The following FILIP1 variants were observed in gnomAD, a reference collection of about 807,000 sequenced individuals.
FILIP1 encodes the protein filamin A interacting protein 1, also known as filamin-A-interacting protein 1.
In FILIP1, 61 loss-of-function variants were observed where a neutral mutation model predicts 102.1. That is an observed-to-expected ratio of 0.60 (90% CI 0.49 to 0.74). The LOEUF (loss-of-function observed/expected upper bound fraction) is 0.74, where lower values mean the gene tolerates loss of function less well. FILIP1 is among the 30% of genes least tolerant of loss of function. The pLI, the probability that FILIP1 is intolerant of heterozygous loss-of-function variation, is 0.00. For synonymous variants in FILIP1, 491 were observed against 526.9 expected (o/e 0.93, Z 0.93); for missense variants, 1,314 against 1,441.2 (o/e 0.91, Z 1.43).
chr6:75,473,799 T>G (rs553346627), intron 1 of FILIP1: 1 of 152,256 alleles, frequency 6.6e-6, no homozygotes, highest in East Asian at 1.9e-4. Flanking sequence ...TTTCCCACAT[T>G]TGGGGAAACC....
At chr6:75,341,171 GA>G (rs1774410225) in intron 4 of FILIP1, among the ~76,000 whole-genome samples, 3 of 140,512 alleles carry the variant, frequency 2.1e-5, no homozygotes, top group African/African-American at 8.0e-5. Flanking sequence ...TTTTTTTTTG[GA>G]TTTTTTGAGA....
intron 2 of FILIP1, among the ~76,000 whole-genome samples, chr6:75,374,045 G>A (rs1775667984): frequency 6.6e-6 from 1 of 152,122 alleles, no homozygotes; most frequent in Non-Finnish European, 1.5e-5. Flanking sequence ...TAAAAGTGTA[G>A]TCATATTTTC....
chr6:75,321,536 T>A (rs1175583973), intron 4 of FILIP1, among the ~76,000 whole-genome samples: 3 of 152,228 alleles, frequency 2.0e-5, no homozygotes. Context: ...GGCTCACGCC[T>A]GTAATCCCAG....
chr6:75,423,923 T>C (rs923878303), intron 1 of FILIP1, among the ~76,000 whole-genome samples: 17 of 152,202 alleles, frequency 1.1e-4, no homozygotes, highest in African/African-American at 4.1e-4. Context: ...GTATTGATTG[T>C]AATCATCCCT....
At chr6:75,420,465 A>C (rs1468148724) in intron 1 of FILIP1, among the ~76,000 whole-genome samples, 1 of 151,962 alleles carries the variant, frequency 6.6e-6, no homozygotes, top group East Asian at 1.9e-4. Context: ...CACATTGATG[A>C]CTCTTCTATC....
At chr6:75,355,046 G>A (rs1774944266) in intron 3 of FILIP1, among the ~76,000 whole-genome samples, 1 of 152,162 alleles carries the variant, frequency 6.6e-6, no homozygotes, top group African/African-American at 2.4e-5. Context: ...CGTAATCTCA[G>A]CACTTTGAGA....
At chr6:75,488,295 A>G (rs1351322272) in intron 1 of FILIP1, among the ~76,000 whole-genome samples, 1 of 152,096 alleles carries the variant, frequency 6.6e-6, no homozygotes, top group Non-Finnish European at 1.5e-5. Context: ...TGCTCAATTC[A>G]TGTATGACTT....
chr6:75,465,812 C>T (rs1779145636), intron 1 of FILIP1, among the ~76,000 whole-genome samples: 3 of 152,150 alleles, frequency 2.0e-5, no homozygotes, highest in Non-Finnish European at 4.4e-5. Flanking sequence ...TCAGATCATG[C>T]TCCTTCTCTG....
chr6:75,417,878 C>T (rs768825090), intron 1 of FILIP1, among the ~76,000 whole-genome samples: 3 of 152,166 alleles, frequency 2.0e-5, no homozygotes, highest in Non-Finnish European at 2.9e-5. Context: ...GGAAGAGGGG[C>T]TATCCCTGAT....
chr6:75,413,437 T>C (rs1777142842), intron 2 of FILIP1, among the ~76,000 whole-genome samples: 1 of 152,168 alleles, frequency 6.6e-6, no homozygotes, highest in Non-Finnish European at 1.5e-5. Flanking sequence ...GAAATGCCAA[T>C]GTGATTTTTC....
In FILIP1 at chr6:75,308,661, C is replaced by A. The variant is rs760134089; in HGVS notation, c.*30G>T. On this transcript the variant is annotated 3_prime_UTR_variant, in exon 6 of 6. Coordinates refer to ENST00000237172, the MANE Select transcript of FILIP1 (RefSeq NM_015687.5). Reference sequence around the variant, plus strand: ...TTCACTTTCACGGCAGCAGTAGCATCTGCACAACATACCCCCTTAGCCACT... The same window carrying A: ...TTCACTTTCACGGCAGCAGTAGCATATGCACAACATACCCCCTTAGCCACT... 1 of 1,611,280 alleles carries A rather than the reference C, an allele frequency of 6.2e-7. No individual in the cohort carries two copies. The highest frequency in any genetic ancestry group is 8.5e-7 in the Non-Finnish European group (1 of 1,179,448).
At chr6:75,426,509 C>T (rs950491913) in intron 1 of FILIP1, among the ~76,000 whole-genome samples, 2 of 152,082 alleles carry the variant, frequency 1.3e-5, no homozygotes, top group Admixed American at 6.6e-5. Flanking sequence ...AGAGGAGATA[C>T]AGAAGTGGCC....
intron 1 of FILIP1, among the ~76,000 whole-genome samples, chr6:75,441,313 C>T (rs1778211687): frequency 6.6e-6 from 1 of 152,152 alleles, no homozygotes; most frequent in African/African-American, 2.4e-5. Context: ...GGTCACAGAT[C>T]AACAGGATCC....
intron 1 of FILIP1, among the ~76,000 whole-genome samples, chr6:75,423,784 A>G (rs761371985): frequency 6.6e-6 from 1 of 152,140 alleles, no homozygotes; most frequent in Non-Finnish European, 1.5e-5. Flanking sequence ...CATCTTGACA[A>G]CTTTTTGCTG....
intron 1 of FILIP1, among the ~76,000 whole-genome samples, chr6:75,437,639 T>A (rs1000048913): frequency 6.6e-6 from 1 of 152,242 alleles, no homozygotes; most frequent in African/African-American, 2.4e-5. Context: ...AAACAAATGG[T>A]GACCTTGAAG....
At chr6:75,305,977 C>T (rs1234447236), downstream of FILIP1, among the ~76,000 whole-genome samples, 1 of 152,194 alleles carries the variant, frequency 6.6e-6, no homozygotes, top group Non-Finnish European at 1.5e-5. Context: ...TTCACCCCTA[C>T]AAAAAGCACA....
intron 4 of FILIP1, among the ~76,000 whole-genome samples, chr6:75,345,501 C>T (rs1295889157): frequency 6.6e-6 from 1 of 152,164 alleles, no homozygotes; most frequent in African/African-American, 2.4e-5. Context: ...AATGGCAGGG[C>T]CATCTTCTTT....
At chr6:75,305,978 A>G (rs538251636), downstream of FILIP1, among the ~76,000 whole-genome samples, 97 of 152,354 alleles carry the variant, frequency 6.4e-4, no homozygotes, top group African/African-American at 2.1e-3. Context: ...TCACCCCTAC[A>G]AAAAGCACAT....
chr6:75,304,585 A>T (rs1036251670), downstream of FILIP1, among the ~76,000 whole-genome samples: 3 of 152,242 alleles, frequency 2.0e-5, no homozygotes, highest in Non-Finnish European at 4.4e-5. Flanking sequence ...ATTTATCAAA[A>T]AGTTGAGGAT....
Sources: gnomAD v4.1 joint callset for allele counts (sites outside exome capture counted in the v4.1 genomes callset) on GRCh38, gnomAD v4.1.1 for gene constraint, MANE v1.5 for transcripts, NCBI Gene and HGNC (gene_info 2026-07-23, HGNC 2026-07-21) for gene names.